DAB1: variants seen among roughly 807,000 people sequenced by gnomAD.
DAB1 encodes the protein DAB adaptor protein 1, also known as disabled homolog 1.
A neutral mutation model predicts 64.6 loss-of-function variants in DAB1; 15 were observed. The observed-to-expected ratio is 0.23, with a 90% CI of 0.16 to 0.36. The LOEUF (loss-of-function observed/expected upper bound fraction) is 0.36, where lower values mean the gene tolerates loss of function less well. DAB1 is among the 10% of genes least tolerant of loss of function. The pLI is 1.00. For synonymous variants in DAB1, 235 were observed against 251.9 expected, an observed-to-expected ratio of 0.93 and a Z score of 0.64; for missense variants, 596 against 706.7, an observed-to-expected ratio of 0.84 and a Z score of 1.78.
chr1:57,580,132 G>T (rs929025450), intron 7 of DAB1, among the ~76,000 whole-genome samples: 2 of 152,038 alleles, frequency 1.3e-5, no homozygotes, highest in African/African-American at 4.8e-5. Context: ...GTTAGGGTGG[G>T]TGGGTAGTGG....
At chr1:57,355,013 T>C (rs1325629737) in intron 1 of DAB1, among the ~76,000 whole-genome samples, 1 of 152,040 alleles carries the variant, frequency 6.6e-6, no homozygotes, top group Non-Finnish European at 1.5e-5. Flanking sequence ...GAGTGTCTTC[T>C]TGGCCCAAAG....
At chr1:58,507,807 C>T (rs1175380524) in intron 2 of DAB1, among the ~76,000 whole-genome samples, 1 of 151,702 alleles carries the variant, frequency 6.6e-6, no homozygotes, top group Non-Finnish European at 1.5e-5. Context: ...ATCACATTCA[C>T]AATAAAAATA....
At chr1:57,652,735 T>C (rs1261222222) in intron 6 of DAB1, among the ~76,000 whole-genome samples, 1 of 152,230 alleles carries the variant, frequency 6.6e-6, no homozygotes, top group Non-Finnish European at 1.5e-5. Flanking sequence ...CTCTGTTTCA[T>C]TTATTTTCTC....
chr1:57,891,083 C>T (rs1644306164), intron 5 of DAB1, among the ~76,000 whole-genome samples: 1 of 152,144 alleles, frequency 6.6e-6, no homozygotes, highest in African/African-American at 2.4e-5. Context: ...AGGCAACCTA[C>T]AGAATGGGAG....
chr1:58,491,180 G>C (rs1438958791), intron 3 of DAB1, among the ~76,000 whole-genome samples: 1 of 151,924 alleles, frequency 6.6e-6, no homozygotes, highest in Non-Finnish European at 1.5e-5. Flanking sequence ...CATAAGTGAA[G>C]GAGAAATAAA....
rs149051608 is a variant in DAB1 at position 58,096,899 on chromosome 1, T to C, written n.387+53612A>G. The stretch of plus-strand genomic sequence containing the variant: ...CAGCCTTCTCACTGCAGAGACTGCA[T>C]TGTGTTTGTACAACTTTCAAGGGCA... On this transcript the variant is annotated intron_variant and non_coding_transcript_variant, in intron 5 of 20. Transcript: ENST00000485760. Among the ~76,000 whole-genome samples, 660 of 152,328 alleles carry C rather than the reference T, an allele frequency of 4.3e-3. 10 individuals carry two copies. Among genetic ancestry groups the C allele is most frequent in the Non-Finnish European group, 3.6e-3 (245 of 68,032 alleles).
chr1:57,019,083 C>A (rs992341450), intron 11 of DAB1, among the ~76,000 whole-genome samples: 1 of 152,182 alleles, frequency 6.6e-6, no homozygotes, highest in African/African-American at 2.4e-5. Flanking sequence ...TCTATCATGA[C>A]ACTTGTCACA....
intron 1 of DAB1, among the ~76,000 whole-genome samples, chr1:57,311,710 T>G (rs632935): frequency 0.54 from 81,339 of 151,978 alleles, 22,347 homozygotes; most frequent in Admixed American, 0.66. Flanking sequence ...CCCACACCCT[T>G]TATTTCCTAC....
At chr1:57,037,894 A>C (rs1647233714) in intron 9 of DAB1, among the ~76,000 whole-genome samples, 2 of 152,226 alleles carry the variant, frequency 1.3e-5, no homozygotes, top group Non-Finnish European at 2.9e-5. Flanking sequence ...TGTCCAATAG[A>C]ACTTCTTGGG....
At chr1:58,452,017 C>T (rs1225930197) in intron 3 of DAB1, among the ~76,000 whole-genome samples, 1 of 151,842 alleles carries the variant, frequency 6.6e-6, no homozygotes, top group East Asian at 1.9e-4. Flanking sequence ...CCCCACCGCC[C>T]CGCCCCCTGG....
chr1:58,264,959 A>G (rs1435613649), intron 4 of DAB1, among the ~76,000 whole-genome samples: 3 of 152,196 alleles, frequency 2.0e-5, no homozygotes, highest in Non-Finnish European at 4.4e-5. Flanking sequence ...TTTTAATTTA[A>G]ACATAAGCAT....
At chr1:58,122,695 G>A (rs1289666999) in intron 5 of DAB1, among the ~76,000 whole-genome samples, 2 of 152,098 alleles carry the variant, frequency 1.3e-5, no homozygotes, top group African/African-American at 4.8e-5. Context: ...TTCCTCACTA[G>A]GTGATCTTGA....
chr1:57,590,285 T>G (rs946659053), intron 7 of DAB1, among the ~76,000 whole-genome samples: 4 of 151,966 alleles, frequency 2.6e-5, no homozygotes, highest in African/African-American at 9.7e-5. Flanking sequence ...ATGATCTTAC[T>G]TAACCTTAAT....
intron 4 of DAB1, among the ~76,000 whole-genome samples, chr1:58,179,923 A>G (rs1034314731): frequency 3.3e-5 from 5 of 152,042 alleles, no homozygotes; most frequent in East Asian, 1.9e-4. Flanking sequence ...AAATATTTGG[A>G]AAAAAACAAT....
chr1:57,624,548 C>G (rs980020621), intron 7 of DAB1, among the ~76,000 whole-genome samples: 1 of 152,204 alleles, frequency 6.6e-6, no homozygotes, highest in Non-Finnish European at 1.5e-5. Context: ...GCACCCTTAA[C>G]TGTGTATTTA....
intron 7 of DAB1, among the ~76,000 whole-genome samples, chr1:57,435,046 C>CTTTTTTTTTTTTTTTTTTTTTT (rs71580850): frequency 1.5e-4 from 14 of 93,094 alleles, no homozygotes; most frequent in Non-Finnish European, 1.8e-4. Flanking sequence ...TTCTTTTTTT[C>CTTTTTTTTTTTTTTTTTTTTTT]TTTTTTTTTT....
intron 5 of DAB1, among the ~76,000 whole-genome samples, chr1:58,140,371 G>A (rs572011119): frequency 1.3e-5 from 2 of 152,296 alleles, no homozygotes; most frequent in East Asian, 3.9e-4. Flanking sequence ...TGCTTGGCAA[G>A]TGCTGGCATT....
intron 5 of DAB1, among the ~76,000 whole-genome samples, chr1:57,957,526 T>G (rs548167423): frequency 1.2e-4 from 18 of 152,144 alleles, no homozygotes; most frequent in Non-Finnish European, 2.1e-4. Flanking sequence ...TATATACAGG[T>G]CTAGAATTCA....
chr1:58,372,112 C>T (rs546096221), intron 3 of DAB1, among the ~76,000 whole-genome samples: 93 of 152,272 alleles, frequency 6.1e-4, no homozygotes, highest in Non-Finnish European at 1.0e-3. Context: ...TGACAGCTTG[C>T]GCCAGGCACT....
Sources: allele counts gnomAD v4.1 joint callset (sites outside exome capture counted in the v4.1 genomes callset), GRCh38; gene constraint gnomAD v4.1.1; transcripts MANE v1.5; gene names NCBI Gene and HGNC (gene_info 2026-07-23, HGNC 2026-07-21).